The following SYN3 variants were observed in gnomAD, a reference collection of about 807,000 sequenced individuals.
The protein encoded by SYN3 is synapsin III.
Under a neutral mutation model 65.8 loss-of-function variants are expected in SYN3, and 35 were observed. The observed-to-expected ratio is 0.53, with a 90% CI of 0.41 to 0.70. The LOEUF is 0.70. Among genes scored for constraint, SYN3 ranks in the 30% least tolerant of loss-of-function variants. SYN3 has a pLI of 0.00. For synonymous variants in SYN3, 270 were observed against 292.9 expected, an observed-to-expected ratio of 0.92 and a Z score of 0.80; for missense variants, 680 against 749.0, an observed-to-expected ratio of 0.91 and a Z score of 1.08.
At chr22:32,526,162 C>CT (rs1205102391) in intron 12 of SYN3, among the ~76,000 whole-genome samples, 10 of 152,144 alleles carry the variant, frequency 6.6e-5, no homozygotes, top group Non-Finnish European at 1.5e-4. Context: ...GTAAACATAG[C>CT]TTTTATATGC....
chr22:32,760,712 G>A (rs2045456011), intron 6 of SYN3, among the ~76,000 whole-genome samples: 1 of 152,190 alleles, frequency 6.6e-6, no homozygotes, highest in Admixed American at 6.5e-5. Flanking sequence ...TGGTTCAGAG[G>A]GGCGGTGTAA....
In SYN3 at chr22:32,857,372, C is replaced by T. The variant is rs1022241857; in HGVS notation, c.711+7543G>A. ...GTACCTGCTGACAGGTAATGGCCAA[C>T]TCTAGCTTCTAGGCCAGGGTTTGGC... On this transcript the variant is annotated intron_variant, in intron 6 of 13. Coordinates refer to ENST00000358763, the MANE Select transcript of SYN3 (RefSeq NM_003490.4). 2.4e-5 allele frequency: 39 copies of T among 1,603,402 alleles called. No homozygotes were observed. Among genetic ancestry groups the T allele is most frequent in the East Asian group, 1.8e-4 (8 of 44,796 alleles).
At chr22:32,760,975 C>T (rs2045462896) in intron 6 of SYN3, among the ~76,000 whole-genome samples, 1 of 152,286 alleles carries the variant, frequency 6.6e-6, no homozygotes, top group South Asian at 2.1e-4. Flanking sequence ...TTACAATGTT[C>T]CTCTCAACCT....
Position 32,664,836 on chromosome 22 carries a change from C to T in SYN3, c.712-68100G>A, listed in dbSNP as rs1326895360. Among the ~76,000 whole-genome samples the T allele has an allele frequency of 4.6e-5, 7 of 151,282 alleles. No individual in the cohort carries two copies. The South Asian group carries it at 6.3e-4, about 14-fold the overall frequency. On this transcript the variant is annotated intron_variant, in intron 6 of 13. Transcript: ENST00000358763. ...CGATCTCCTAACCTCATAATCTGCC[C>T]GCCTCGGCCTCCCAATCTGCCCGCC...
At chr22:32,704,259 C>G (rs539479143) in intron 6 of SYN3, among the ~76,000 whole-genome samples, 4 of 152,086 alleles carry the variant, frequency 2.6e-5, no homozygotes, top group Non-Finnish European at 5.9e-5. Context: ...CTGTTGTCCC[C>G]CTTTGTGTTC....
chr22:32,606,095 A>C (rs2059368087), intron 6 of SYN3, among the ~76,000 whole-genome samples: 1 of 152,212 alleles, frequency 6.6e-6, no homozygotes, highest in South Asian at 2.1e-4. Flanking sequence ...CTGGAGTAGG[A>C]CGGCAGTCTG....
At chr22:32,694,363 A>G (rs114780354) in intron 6 of SYN3, among the ~76,000 whole-genome samples, 2,623 of 152,214 alleles carry the variant, frequency 0.017, 76 homozygotes, top group African/African-American at 0.06. Flanking sequence ...CTGTTCTCTA[A>G]CCAGGAGCCC....
At chr22:32,982,873 G>T (rs964881810) in intron 2 of SYN3, among the ~76,000 whole-genome samples, 2 of 152,122 alleles carry the variant, frequency 1.3e-5, no homozygotes, top group Non-Finnish European at 2.9e-5. Flanking sequence ...CCACGAAGTA[G>T]ATATCATTAT....
At chr22:32,569,400 A>AATCTACCT (rs2058718714) in intron 7 of SYN3, among the ~76,000 whole-genome samples, 1 of 143,970 alleles carries the variant, frequency 6.9e-6, no homozygotes. Flanking sequence ...CTCCATCCAA[A>AATCTACCT]ATCTATCTAT....
intron 6 of SYN3, among the ~76,000 whole-genome samples, chr22:32,721,545 CA>C (rs1389692622): frequency 1.3e-5 from 2 of 152,212 alleles, no homozygotes; most frequent in African/African-American, 4.8e-5. Context: ...TTTATTTTAT[CA>C]ATGGGCAAAT....
At chr22:32,540,476 C>T (rs947472587) in intron 8 of SYN3, among the ~76,000 whole-genome samples, 2 of 152,186 alleles carry the variant, frequency 1.3e-5, no homozygotes, top group African/African-American at 2.4e-5. Flanking sequence ...AACCAGGCAA[C>T]GATTGGCCCT....
intron 4 of SYN3, among the ~76,000 whole-genome samples, chr22:32,911,877 G>A (rs1352827459): frequency 4.6e-5 from 7 of 152,224 alleles, no homozygotes; most frequent in East Asian, 1.9e-4. Flanking sequence ...CCACTCCGAC[G>A]TCAGAAAAAG....
At chr22:32,833,800 C>A (rs1057183331) in intron 6 of SYN3, 2 of 499,930 alleles carry the variant, frequency 4.0e-6, no homozygotes, top group East Asian at 1.3e-4. Flanking sequence ...CTTTATAGGG[C>A]CCTAGTGAGG....
intron 7 of SYN3, chr22:32,583,328 A>C (rs1445886115): frequency 6.6e-6 from 1 of 152,112 alleles, no homozygotes; most frequent in Non-Finnish European, 1.5e-5. Context: ...GGCTGGTTTC[A>C]CTTCCAGGAA....
chr22:33,005,411 A>G (rs2053171253), intron 2 of SYN3, among the ~76,000 whole-genome samples: 2 of 152,166 alleles, frequency 1.3e-5, no homozygotes, highest in Non-Finnish European at 2.9e-5. Context: ...GACTGATAAC[A>G]TTTATCACCT....
intron 3 of SYN3, among the ~76,000 whole-genome samples, chr22:32,938,685 G>C (rs1399963850): frequency 2.6e-5 from 4 of 152,166 alleles, no homozygotes; most frequent in Non-Finnish European, 5.9e-5. Context: ...CCAGCACTTT[G>C]GGAGGCCAAG....
chr22:32,683,052 CA>C (rs2060544478), intron 6 of SYN3, among the ~76,000 whole-genome samples: 1 of 152,172 alleles, frequency 6.6e-6, no homozygotes, highest in South Asian at 2.1e-4. Context: ...ACTGGAAGGT[CA>C]TCCATGCAAG....
chr22:32,840,638 G>A (rs1014691546), intron 6 of SYN3, among the ~76,000 whole-genome samples: 42 of 151,578 alleles, frequency 2.8e-4, no homozygotes, highest in Non-Finnish European at 4.4e-4. Context: ...CCTTACCGCC[G>A]CCCCCTCCGC....
At chr22:32,888,533 T>A (rs1048224416) in intron 4 of SYN3, among the ~76,000 whole-genome samples, 1 of 152,194 alleles carries the variant, frequency 6.6e-6, no homozygotes, top group Admixed American at 6.5e-5. Flanking sequence ...TAATTTGACA[T>A]CTCATTATAA....
Sources: allele counts gnomAD v4.1 joint callset (sites outside exome capture counted in the v4.1 genomes callset), GRCh38; gene constraint gnomAD v4.1.1; transcripts MANE v1.5; gene names NCBI Gene and HGNC (gene_info 2026-07-23, HGNC 2026-07-21).